Variants in INTS4 observed in about 807,000 individuals in gnomAD.
INTS4 encodes integrator complex subunit 4.
In INTS4, 70 loss-of-function variants were observed where a neutral mutation model predicts 119.5. That is an observed-to-expected ratio of 0.59 (90% CI 0.48 to 0.71). The LOEUF (loss-of-function observed/expected upper bound fraction) is 0.71, where lower values mean the gene tolerates loss of function less well. Ranked by LOEUF, INTS4 falls within the 30% of genes least tolerant of loss-of-function variation. INTS4 has a pLI of 0.00. For missense variants in INTS4, 867 were observed against 1,173.2 expected (o/e 0.74, Z 3.81); for synonymous variants, 316 against 419.6 (o/e 0.75, Z 3.02).
At chr11:77,990,215 C>CAAAAA (rs59474739) in intron 2 of INTS4, among the ~76,000 whole-genome samples, 2 of 96,182 alleles carry the variant, frequency 2.1e-5, no homozygotes, top group African/African-American at 3.9e-5. Flanking sequence ...GACCAAGTCT[C>CAAAAA]AAAAAAAAAA....
intron 16 of INTS4, among the ~76,000 whole-genome samples, chr11:77,905,169 G>T (rs1403186006): frequency 6.6e-6 from 1 of 151,998 alleles, no homozygotes; most frequent in Non-Finnish European, 1.5e-5. Flanking sequence ...TACTTAAGAC[G>T]AAATGGGCTG....
intron 10 of INTS4, among the ~76,000 whole-genome samples, chr11:77,933,399 T>G (rs1361600647): frequency 0.16 from 15 of 92 alleles, no homozygotes; most frequent in Non-Finnish European, 0.071. Context: ...GTTTTCGTAT[T>G]TTTTTTGGTG....
intron 21 of INTS4, among the ~76,000 whole-genome samples, chr11:77,889,790 C>T (rs1176338319): frequency 6.6e-6 from 1 of 152,150 alleles, no homozygotes; most frequent in Non-Finnish European, 1.5e-5. Flanking sequence ...AGTGAGTTTC[C>T]TGTCCCTCTA....
intron 8 of INTS4, among the ~76,000 whole-genome samples, chr11:77,955,716 A>C (rs578146340): frequency 1.3e-5 from 2 of 152,112 alleles, no homozygotes; most frequent in African/African-American, 2.4e-5. Context: ...GGATGGTCTC[A>C]ATCTCCTGAC....
chr11:77,885,819 CA>C (rs1415394109), intron 21 of INTS4, among the ~76,000 whole-genome samples: 1 of 148,952 alleles, frequency 6.7e-6, no homozygotes, highest in East Asian at 2.0e-4. Context: ...GATTCTGTCT[CA>C]AAAAAAAGAA....
At chr11:77,883,986 G>A in intron 21 of INTS4, 34 bp from the exon 22 acceptor site, 1 of 1,602,670 alleles carries the variant, frequency 6.2e-7, no homozygotes, top group Non-Finnish European at 8.5e-7. Context: ...AAAGGCAGAA[G>A]CGAGAGGAGC....
At chr11:77,992,173 G>A (rs1265384315) in intron 1 of INTS4, among the ~76,000 whole-genome samples, 8 of 152,052 alleles carry the variant, frequency 5.3e-5, no homozygotes, top group Admixed American at 1.3e-4. Context: ...TTAGGCAGGC[G>A]GATCACTTGA....
chr11:77,912,141 T>G (rs1311182996), intron 15 of INTS4, among the ~76,000 whole-genome samples: 5 of 151,990 alleles, frequency 3.3e-5, no homozygotes, highest in Admixed American at 6.6e-5. Flanking sequence ...GTGGGTGGAT[T>G]GCCTGAGCTC....
At chr11:77,961,883 T>C (rs938048424) in intron 4 of INTS4, among the ~76,000 whole-genome samples, 3 of 152,272 alleles carry the variant, frequency 2.0e-5, no homozygotes, top group East Asian at 1.9e-4. Flanking sequence ...ATTTAAGTTA[T>C]TTCCAGTCTT....
chr11:77,976,595 T>A (rs948530474), intron 4 of INTS4, among the ~76,000 whole-genome samples: 42 of 152,350 alleles, frequency 2.8e-4, no homozygotes, highest in Non-Finnish European at 5.0e-4. Context: ...CAAAGGATTA[T>A]AAATCATGAT....
chr11:77,921,772 T>C (rs1252348935), intron 13 of INTS4, among the ~76,000 whole-genome samples: 1 of 152,218 alleles, frequency 6.6e-6, no homozygotes, highest in Non-Finnish European at 1.5e-5. Context: ...GGCTCACGCC[T>C]GTAATCCCAA....
intron 16 of INTS4, among the ~76,000 whole-genome samples, chr11:77,907,246 A>G (rs1952978676): frequency 2.0e-5 from 3 of 151,948 alleles, no homozygotes; most frequent in Admixed American, 2.0e-4. Context: ...GCCTACTTTA[A>G]ATTTTCTTGT....
intron 4 of INTS4, among the ~76,000 whole-genome samples, chr11:77,971,588 C>T (rs1341096185): frequency 2.0e-5 from 3 of 151,850 alleles, no homozygotes; most frequent in South Asian, 2.1e-4. Context: ...TGCAGTGAGC[C>T]GAGGTCAAGC....
intron 2 of INTS4, chr11:77,987,366 T>C (rs1856496703): frequency 5.2e-6 from 1 of 191,890 alleles, no homozygotes. Context: ...ATAACAATGG[T>C]GCTGTCACCA....
chr11:77,963,571 A>G (rs1855349906), intron 4 of INTS4: 2 of 347,588 alleles, frequency 5.8e-6, no homozygotes, highest in Non-Finnish European at 1.1e-5. Flanking sequence ...ATAAAAATTA[A>G]TTTACAATTT....
rs185547790 is a variant in INTS4, at chr11:77,932,748, A to G, written c.1166-4201T>C. ...AGACTGGATAAAGAAAATGTGGCAC[A>G]TATACACCATGGAATACCACGCAGC... On this transcript the variant is annotated intron_variant, in intron 10 of 22. Coordinates refer to ENST00000534064, the MANE Select transcript of INTS4 (RefSeq NM_033547.4). 4.0e-3 allele frequency among the ~76,000 whole-genome samples: 614 copies of G among 152,278 alleles called. 1 individual carries two copies. The highest frequency in any genetic ancestry group is 6.2e-3 in the Non-Finnish European group (422 of 68,018).
chr11:77,959,948 C>G (rs1018306903), intron 6 of INTS4, among the ~76,000 whole-genome samples: 2 of 152,016 alleles, frequency 1.3e-5, no homozygotes, highest in Admixed American at 6.6e-5. Context: ...TATGATCCTA[C>G]GGTCTTGGTC....
chr11:77,927,619 T>C (rs932196772), intron 11 of INTS4, among the ~76,000 whole-genome samples: 4 of 152,132 alleles, frequency 2.6e-5, no homozygotes, highest in African/African-American at 9.7e-5. Context: ...TCTGTTTACA[T>C]TCTGGTTCAG....
At chr11:77,960,840 C>A in intron 5 of INTS4, 113 bp downstream of exon 5, 1 of 965,300 alleles carries the variant, frequency 1.0e-6, no homozygotes, top group South Asian at 2.0e-5. Flanking sequence ...CCACCAATAC[C>A]CTCCTGAAAG....
Sources: gnomAD v4.1 joint callset for allele counts (sites outside exome capture counted in the v4.1 genomes callset) on GRCh38, gnomAD v4.1.1 for gene constraint, MANE v1.5 for transcripts, NCBI Gene and HGNC (gene_info 2026-07-23, HGNC 2026-07-21) for gene names.